The following PTPRT variants were observed in gnomAD, a reference collection of about 807,000 sequenced individuals.
The protein encoded by PTPRT is receptor-type tyrosine-protein phosphatase T.
In PTPRT, 56 loss-of-function variants were observed where a neutral mutation model predicts 176.8. The ratio of observed to expected loss-of-function variants is 0.32; its 90% confidence interval spans 0.26 to 0.40. The LOEUF is 0.40. PTPRT is among the 10% of genes least tolerant of loss of function. PTPRT has a pLI of 1.00. For synonymous variants in PTPRT, 783 were observed against 739.0 expected (o/e 1.06, Z -0.96); for missense variants, 1,540 against 1,908.2 (o/e 0.81, Z 3.60).
chr20:42,641,930 C>A (rs1273583024), intron 7 of PTPRT, among the ~76,000 whole-genome samples: 1 of 152,170 alleles, frequency 6.6e-6, no homozygotes, highest in Non-Finnish European at 1.5e-5. Context: ...AGAGTGCCCT[C>A]TTCCAAGAGG....
In PTPRT at chr20:42,102,185, A is replaced by G. The variant is rs762270341; in HGVS notation, c.3653T>C (p.Leu1218Pro). ...SMDVLPLDRC[L>P]PFLISVDGES... ...TCCGTCCACTGAGATAAGGAAGGGC[A>G]GGCAGCGGTCCAGAGGCAGCACGTC... The change falls in exon 26 of 31, where the codon CTG becomes CCG. Residue 1218 changes from leucine (L) to proline (P), a missense_variant. Around this residue, in one of 11 missense-constraint regions of PTPRT, gnomAD observed 342 missense variants for 394.0 expected, o/e 0.87. Transcript: ENST00000373187. 1 of 1,614,146 alleles carries G rather than the reference A, an allele frequency of 6.2e-7. No homozygotes were observed. The highest frequency in any genetic ancestry group is 8.5e-7 in the Non-Finnish European group (1 of 1,180,012).
intron 1 of PTPRT, among the ~76,000 whole-genome samples, chr20:43,129,164 A>G (rs550105310): frequency 2.0e-5 from 3 of 152,094 alleles, no homozygotes; most frequent in African/African-American, 4.8e-5. Flanking sequence ...ACTCTGCCCA[A>G]GGGGGTGTAG....
At chr20:42,696,733 G>A (rs6065527) in intron 6 of PTPRT, among the ~76,000 whole-genome samples, 55,326 of 151,866 alleles carry the variant, frequency 0.36, 11,060 homozygotes, top group African/African-American at 0.53. Flanking sequence ...GGGATTACAG[G>A]TGTGAGCCAC....
chr20:42,498,122 A>G lies in PTPRT; in HGVS notation c.1154-25560T>C, dbSNP rs138208870. ...CAAACATGATGAAAAATACACGAGA[A>G]CCTCAAGAGATCACTTTTTATTGTG... On this transcript the variant is annotated intron_variant, in intron 7 of 30. Transcript: ENST00000373187. Among the ~76,000 whole-genome samples, 219 of 152,288 alleles carry G rather than the reference A, an allele frequency of 1.4e-3. 1 individual carries two copies. The highest frequency in any genetic ancestry group is 4.7e-3 in the African/African-American group (195 of 41,556).
chr20:42,408,896 C>T (rs1382793917), intron 9 of PTPRT, among the ~76,000 whole-genome samples: 2 of 152,278 alleles, frequency 1.3e-5, no homozygotes, highest in African/African-American at 4.8e-5. Context: ...CAAGATGTGC[C>T]TCTTATTGGG....
At chr20:42,051,227 AGT>A in the PTPRT span, among the ~76,000 whole-genome samples, 1 of 152,248 alleles carries the variant, frequency 6.6e-6, no homozygotes, top group East Asian at 1.9e-4. Flanking sequence ...TGAAAACAGC[AGT>A]GTGTCAGTGT....
the PTPRT span, among the ~76,000 whole-genome samples, chr20:42,041,209 G>A: frequency 3.0e-3 from 453 of 152,232 alleles, 1 homozygote; most frequent in African/African-American, 0.01. Flanking sequence ...CGATGCTCCC[G>A]TTTTGGGGTT....
intron 1 of PTPRT, among the ~76,000 whole-genome samples, chr20:42,888,528 T>C (rs1293194477): frequency 2.6e-5 from 4 of 152,246 alleles, no homozygotes; most frequent in Non-Finnish European, 5.9e-5. Context: ...ATAAATGACC[T>C]GCTCAGGCAA....
At chr20:42,218,561 C>T (rs1343679524) in intron 15 of PTPRT, among the ~76,000 whole-genome samples, 1 of 152,162 alleles carries the variant, frequency 6.6e-6, no homozygotes, top group Non-Finnish European at 1.5e-5. Context: ...CCTATTAGCA[C>T]TGTTGCATGT....
At chr20:42,087,186 C>T (rs1984056301) in intron 27 of PTPRT, among the ~76,000 whole-genome samples, 1 of 151,390 alleles carries the variant, frequency 6.6e-6, no homozygotes. Flanking sequence ...CCCAAATATC[C>T]ATAGTGCAGA....
intron 4 of PTPRT, among the ~76,000 whole-genome samples, chr20:42,775,129 A>G (rs923489576): frequency 7.2e-5 from 11 of 152,098 alleles, no homozygotes; most frequent in Admixed American, 7.2e-4. Flanking sequence ...CTGAGACCCA[A>G]TTCCCCCCAG....
At chr20:42,312,843 G>C (rs915853880) in intron 12 of PTPRT, among the ~76,000 whole-genome samples, 2 of 139,700 alleles carry the variant, frequency 1.4e-5, no homozygotes, top group African/African-American at 5.5e-5. Flanking sequence ...GCAAATCCCT[G>C]AGTCTTGAAG....
At chr20:42,935,967 C>T (rs1399539490) in intron 1 of PTPRT, among the ~76,000 whole-genome samples, 1 of 152,138 alleles carries the variant, frequency 6.6e-6, no homozygotes, top group Admixed American at 6.5e-5. Context: ...AGGCTGGTCT[C>T]GAACTCCCAA....
intron 9 of PTPRT, among the ~76,000 whole-genome samples, chr20:42,366,041 C>A (rs184781703): frequency 9.2e-5 from 14 of 152,360 alleles, no homozygotes; most frequent in Non-Finnish European, 1.0e-4. Context: ...TTCCCTCCTG[C>A]TCCAGGGGAC....
chr20:43,112,496 A>G lies in PTPRT; in HGVS notation c.88+77150T>C, dbSNP rs191965027. Among the ~76,000 whole-genome samples the G allele has an allele frequency of 2.0e-5, 3 of 152,334 alleles. No individual in the cohort carries two copies. In the East Asian group the frequency reaches 5.8e-4, roughly 29 times the overall value. ...ATATAAAGGGCATCTAAGGGTCAGG[A>G]AACTAGATGAGGAAATAATGAAATT... On this transcript the variant is annotated intron_variant, in intron 1 of 30. Transcript: ENST00000373187.
At chr20:42,380,823 C>T (rs939093334) in intron 9 of PTPRT, among the ~76,000 whole-genome samples, 3 of 152,114 alleles carry the variant, frequency 2.0e-5, no homozygotes, top group Non-Finnish European at 4.4e-5. Context: ...TTTTGCATTG[C>T]TATAAAGAAA....
chr20:42,134,598 C>G (rs988172680), intron 18 of PTPRT, among the ~76,000 whole-genome samples: 15 of 152,120 alleles, frequency 9.9e-5, no homozygotes, highest in African/African-American at 3.6e-4. Context: ...TCTGCTGTTC[C>G]TTGCTTGAGG....
At chr20:42,145,130 G>C (rs1988803571) in intron 17 of PTPRT, among the ~76,000 whole-genome samples, 1 of 152,180 alleles carries the variant, frequency 6.6e-6, no homozygotes, top group African/African-American at 2.4e-5. Context: ...CAACTCTACT[G>C]TTGTAGAGTG....
intron 6 of PTPRT, among the ~76,000 whole-genome samples, chr20:42,725,147 C>A (rs2076361176): frequency 6.6e-6 from 1 of 151,768 alleles, no homozygotes; most frequent in Non-Finnish European, 1.5e-5. Context: ...CCTGCCTCAG[C>A]CTCCTGAGTA....
Sources: allele counts gnomAD v4.1 joint callset (sites outside exome capture counted in the v4.1 genomes callset), GRCh38; gene constraint gnomAD v4.1.1; regional missense constraint gnomAD v4.1.1; transcripts MANE v1.5; gene names NCBI Gene and HGNC (gene_info 2026-07-23, HGNC 2026-07-21).